ETFA: variants seen among roughly 807,000 people sequenced by gnomAD.
The protein encoded by ETFA is electron transfer flavoprotein subunit alpha, also known as electron transfer flavoprotein subunit alpha, mitochondrial.
ETFA carries 22 observed loss-of-function variants against 46.2 expected under a neutral mutation model. The observed-to-expected ratio is 0.48, with a 90% CI of 0.34 to 0.68. The LOEUF (loss-of-function observed/expected upper bound fraction) is 0.68, where lower values mean the gene tolerates loss of function less well. Ranked by LOEUF, ETFA falls within the 30% of genes least tolerant of loss-of-function variation. The pLI is 0.01. For missense variants in ETFA, 345 were observed against 401.1 expected (o/e 0.86, Z 1.19); for synonymous variants, 131 against 139.9 (o/e 0.94, Z 0.45).
chr15:76,236,769 C>T (rs975847296), intron 9 of ETFA, among the ~76,000 whole-genome samples: 5 of 152,024 alleles, frequency 3.3e-5, no homozygotes, highest in African/African-American at 1.2e-4. Context: ...TATAGGAAAA[C>T]CAAAAGCAGA....
chr15:76,278,098 A>G (rs1567213105), intron 8 of ETFA, among the ~76,000 whole-genome samples: 1 of 151,162 alleles, frequency 6.6e-6, no homozygotes, highest in Non-Finnish European at 1.5e-5. Context: ...TTGGAAACCA[A>G]AAGACCTACA....
At chr15:76,225,029 C>T (rs1490919353) in intron 11 of ETFA, among the ~76,000 whole-genome samples, 1 of 152,092 alleles carries the variant, frequency 6.6e-6, no homozygotes, top group East Asian at 1.9e-4. Context: ...GCTCTCCCTA[C>T]ACTCGTCAGC....
At position 76,240,499 on chromosome 15, in the gene ETFA, T is replaced by C. The variant is rs1401249362; in HGVS notation, c.817-9101A>G. ...TATATCACTAGCACACACTTCATTA[T>C]GTACGTCACATTTTTTGTTCAAAAT... On this transcript the variant is annotated intron_variant, in intron 9 of 11. Coordinates refer to ENST00000557943, the MANE Select transcript of ETFA (RefSeq NM_000126.4). 7.9e-5 allele frequency among the ~76,000 whole-genome samples: 12 copies of C among 152,190 alleles called. 1 individual carries two copies. The highest frequency in any genetic ancestry group is 7.9e-4 in the Admixed American group (12 of 15,264).
intron 4 of ETFA, among the ~76,000 whole-genome samples, chr15:76,289,189 AC>A (rs957211872): frequency 6.6e-6 from 1 of 151,806 alleles, no homozygotes; most frequent in Non-Finnish European, 1.5e-5. Context: ...CTGCCTTGGC[AC>A]CCCAAAGTGC....
intron 9 of ETFA, among the ~76,000 whole-genome samples, chr15:76,257,779 C>T (rs2039359710): frequency 1.3e-5 from 2 of 151,798 alleles, no homozygotes; most frequent in Non-Finnish European, 1.5e-5. Flanking sequence ...AAATGTCCAA[C>T]AATGATAGAC....
intron 9 of ETFA, among the ~76,000 whole-genome samples, chr15:76,243,466 GGATTTATA>G (rs2039212289): frequency 6.6e-6 from 1 of 151,930 alleles, no homozygotes; most frequent in Non-Finnish European, 1.5e-5. Context: ...ACCAGGTATA[GGATTTATA>G]GAAATTCACT....
At chr15:76,220,337 A>G (rs943155700) in intron 11 of ETFA, among the ~76,000 whole-genome samples, 3 of 152,248 alleles carry the variant, frequency 2.0e-5, no homozygotes, top group Non-Finnish European at 4.4e-5. Context: ...CAGTGCTGGG[A>G]TTACAGGTGT....
At chr15:76,226,787 G>T (rs2039008753) in intron 10 of ETFA, among the ~76,000 whole-genome samples, 1 of 152,300 alleles carries the variant, frequency 6.6e-6, no homozygotes, top group East Asian at 1.9e-4. Context: ...GCTGAGGCAG[G>T]AGAATGGCGT....
chr15:76,260,787 G>A lies in ETFA; in HGVS notation c.816+13625C>T. On this transcript the variant is annotated intron_variant, in intron 9 of 11. Transcript: ENST00000557943. ...AAAGGGCACCCAGTCAGCATAAGGA[G>A]AGGGCCCCAAAGCATTGGCACAGCA... is the stretch of plus-strand genomic sequence containing the variant. The A allele has an allele frequency of 1.9e-6, 3 of 1,605,098 alleles. No individual in the cohort carries two copies. In the Admixed American group the frequency reaches 5.0e-5, roughly 27 times the overall value.
At chr15:76,265,309 T>TG (rs1173664832) in intron 9 of ETFA, among the ~76,000 whole-genome samples, 1 of 152,228 alleles carries the variant, frequency 6.6e-6, no homozygotes, top group Non-Finnish European at 1.5e-5. Flanking sequence ...CTCGACTCCG[T>TG]GGTCTGCCTC....
intron 9 of ETFA, among the ~76,000 whole-genome samples, chr15:76,245,926 G>T (rs960048351): frequency 6.6e-6 from 1 of 152,176 alleles, no homozygotes; most frequent in Non-Finnish European, 1.5e-5. Context: ...GCGTAAATCT[G>T]AGACTCTATT....
chr15:76,304,186 G>A (rs1285621325), intron 1 of ETFA, among the ~76,000 whole-genome samples: 1 of 151,726 alleles, frequency 6.6e-6, no homozygotes, highest in African/African-American at 2.4e-5. Flanking sequence ...ATTAATGCAG[G>A]AACAGAAAAA....
intron 9 of ETFA, among the ~76,000 whole-genome samples, chr15:76,237,653 C>A (rs979683066): frequency 1.3e-5 from 2 of 152,110 alleles, no homozygotes; most frequent in Admixed American, 6.5e-5. Context: ...ATAAGATGCA[C>A]ATAAAGTACT....
rs1319674753 is a variant in ETFA at position 76,287,678 on chromosome 15, C to T, written c.451+168G>A. 1.7e-5 allele frequency: 10 copies of T among 572,504 alleles called. No individual in the cohort carries two copies. The East Asian group carries it at 2.8e-4, about 16-fold the overall frequency. 35.5% of individuals were successfully genotyped at this position (572,504 alleles called of 1,614,324 possible). ...GTTTGCGATCCATCAGAGAGAATGC[C>T]ATGTCAAGGGCCACCAGCAATTCTA... On this transcript the variant is annotated intron_variant, in intron 5 of 11. Transcript: ENST00000557943.
In ETFA at chr15:76,302,154, T is replaced by C. The variant is rs150651012; in HGVS notation, c.40-6417A>G. On this transcript the variant is annotated intron_variant, in intron 1 of 11. Transcript: ENST00000557943. ...TTGCTTATAAAACTAAACATAATCT[T>C]ACCATACAATCTAGCAACTGCACTC... 2.8e-3 allele frequency among the ~76,000 whole-genome samples: 430 copies of C among 152,312 alleles called. 2 individuals are homozygous for C. Among genetic ancestry groups the C allele is most frequent in the African/African-American group, 9.8e-3 (406 of 41,562 alleles).
At chr15:76,296,836 A>T (rs1283408026) in intron 1 of ETFA, among the ~76,000 whole-genome samples, 1 of 152,252 alleles carries the variant, frequency 6.6e-6, no homozygotes, top group Non-Finnish European at 1.5e-5. Flanking sequence ...ATATACAATT[A>T]TAAAATAGAA....
At chr15:76,263,345 G>A (rs2039436928) in intron 9 of ETFA, among the ~76,000 whole-genome samples, 1 of 152,208 alleles carries the variant, frequency 6.6e-6, no homozygotes, top group Admixed American at 6.5e-5. Context: ...CCAACATGGG[G>A]CGACAAAGAC....
chr15:76,295,174 G>A (rs1289352393), intron 2 of ETFA, among the ~76,000 whole-genome samples: 1 of 152,188 alleles, frequency 6.6e-6, no homozygotes, highest in African/African-American at 2.4e-5. Context: ...GGAAAGAATA[G>A]TACTTAACAT....
chr15:76,271,362 T>C (rs1207932634), intron 9 of ETFA, among the ~76,000 whole-genome samples: 3 of 152,180 alleles, frequency 2.0e-5, no homozygotes, highest in Non-Finnish European at 4.4e-5. Flanking sequence ...TACCATCTGA[T>C]AGGATGAGGT....
Sources: gnomAD v4.1 joint callset for allele counts (sites outside exome capture counted in the v4.1 genomes callset) on GRCh38, gnomAD v4.1.1 for gene constraint, MANE v1.5 for transcripts, NCBI Gene and HGNC (gene_info 2026-07-23, HGNC 2026-07-21) for gene names.